GALNT7: variants seen among roughly 807,000 people sequenced by gnomAD.
GALNT7 encodes N-acetylgalactosaminyltransferase 7.
GALNT7 carries 60 observed loss-of-function variants against 82.1 expected under a neutral mutation model. The ratio of observed to expected loss-of-function variants is 0.73; its 90% CI spans 0.59 to 0.91. The LOEUF (loss-of-function observed/expected upper bound fraction) is 0.91, where lower values mean the gene tolerates loss of function less well. GALNT7 is among the 40% of genes least tolerant of loss of function. GALNT7 has a pLI of 0.00. For synonymous variants in GALNT7, 243 were observed against 275.1 expected (o/e 0.88, Z 1.15); for missense variants, 660 against 804.2 (o/e 0.82, Z 2.17).
intron 1 of GALNT7, among the ~76,000 whole-genome samples, chr4:173,242,020 T>G (rs1363173952): frequency 2.0e-5 from 3 of 152,192 alleles, no homozygotes; most frequent in African/African-American, 4.8e-5. Flanking sequence ...TTTCAATCTG[T>G]AAAGTAACTT....
chr4:173,176,312 A>G (rs1469213939), intron 1 of GALNT7, among the ~76,000 whole-genome samples: 4 of 152,168 alleles, frequency 2.6e-5, no homozygotes, highest in Admixed American at 2.6e-4. Context: ...GAGGTAGTAC[A>G]GTACGGGATG....
intron 2 of GALNT7, among the ~76,000 whole-genome samples, chr4:173,250,208 G>A (rs1245722536): frequency 6.6e-6 from 1 of 152,018 alleles, no homozygotes. Context: ...CACACCTGAG[G>A]TATATATCTC....
intron 1 of GALNT7, among the ~76,000 whole-genome samples, chr4:173,216,086 C>G (rs754837063): frequency 6.6e-6 from 1 of 152,176 alleles, no homozygotes; most frequent in East Asian, 1.9e-4. Flanking sequence ...ATCACACACT[C>G]CAGCCTGGGT....
At position 173,292,075 on chromosome 4, in the gene GALNT7, G is replaced by A. The variant is rs780376205; in HGVS notation, c.588-33G>A. ...TGGAGCCAAGCAGTATAGATTACCT[G>A]TAAATAAATATGATGAAATTTTCTC... On this transcript the variant is annotated intron_variant, in intron 2 of 11. Coordinates refer to ENST00000265000, the MANE Select transcript of GALNT7 (RefSeq NM_017423.3). This position sits in a 1 kb window ranked among gnomAD's most constrained non-coding sequence, Gnocchi z 4.8. The A allele has an allele frequency of 7.3e-6, 11 of 1,503,626 alleles. No homozygotes were observed. Among genetic ancestry groups the A allele is most frequent in the East Asian group, 2.3e-5 (1 of 44,188 alleles). The allele number at this position is 1,503,626 out of a possible 1,614,324, so 93.1% of individuals were successfully genotyped here.
At chr4:173,242,316 G>T (rs993370789) in intron 1 of GALNT7, among the ~76,000 whole-genome samples, 1 of 152,156 alleles carries the variant, frequency 6.6e-6, no homozygotes, top group Non-Finnish European at 1.5e-5. Context: ...AGCTTATATA[G>T]AATTTTTATA....
intron 1 of GALNT7, among the ~76,000 whole-genome samples, chr4:173,213,197 ATTTCTCG>A (rs1436350732): frequency 6.7e-6 from 1 of 149,998 alleles, no homozygotes; most frequent in Non-Finnish European, 1.5e-5. Context: ...AAAAAATGTG[ATTTCTCG>A]TTTTACATTC....
chr4:173,311,453 T>C (rs149174011), intron 8 of GALNT7, among the ~76,000 whole-genome samples: 10 of 152,358 alleles, frequency 6.6e-5, no homozygotes, highest in African/African-American at 2.4e-4. Flanking sequence ...CTGCAGGCTG[T>C]ACAGGAAGCT....
chr4:173,225,031 A>G (rs1733780050), intron 1 of GALNT7, among the ~76,000 whole-genome samples: 1 of 147,638 alleles, frequency 6.8e-6, no homozygotes, highest in African/African-American at 2.5e-5. Flanking sequence ...TAATAATAAT[A>G]ATAATAATAA....
chr4:173,220,239 G>A (rs1421266355), intron 1 of GALNT7, among the ~76,000 whole-genome samples: 2 of 152,128 alleles, frequency 1.3e-5, no homozygotes, highest in African/African-American at 4.8e-5. Flanking sequence ...ACCATTTGTT[G>A]AATACAGTGT....
Position 173,321,915 on chromosome 4 carries a change from G to T in GALNT7, c.*198G>T. On this transcript the variant is annotated 3_prime_UTR_variant, in exon 12 of 12. Coordinates refer to ENST00000265000, the MANE Select transcript of GALNT7 (RefSeq NM_017423.3). Reference sequence around the variant, plus strand: ...ATCTGCAGTTACTGTTTACAAGACTGCTTTTACCTTAAACTTTGTAGATGT... The same window carrying T: ...ATCTGCAGTTACTGTTTACAAGACTTCTTTTACCTTAAACTTTGTAGATGT... The T allele has an allele frequency of 2.1e-6, 1 of 469,378 alleles. No individual in the cohort carries two copies. Among genetic ancestry groups the T allele is most frequent in the Non-Finnish European group, 3.9e-6 (1 of 258,996 alleles). The allele number at this position is 469,378 out of a possible 1,614,324, so 29.1% of individuals were successfully genotyped here.
intron 2 of GALNT7, among the ~76,000 whole-genome samples, chr4:173,249,185 G>A (rs1399672579): frequency 6.6e-6 from 1 of 152,100 alleles, no homozygotes; most frequent in East Asian, 1.9e-4. Context: ...TAATGTAGTT[G>A]GAAATTTAAT....
chr4:173,170,063 G>A (rs1731805662), intron 1 of GALNT7, among the ~76,000 whole-genome samples: 1 of 152,130 alleles, frequency 6.6e-6, no homozygotes. Context: ...AAGGGACCGC[G>A]GGCACTGCGG....
chr4:173,248,786 T>C (rs1276141380), intron 2 of GALNT7, among the ~76,000 whole-genome samples: 1 of 152,214 alleles, frequency 6.6e-6, no homozygotes, highest in Non-Finnish European at 1.5e-5. Flanking sequence ...TTTTGTTTAG[T>C]TTAAGTGACA....
Position 173,323,724 on chromosome 4 carries a change from T to C in GALNT7, c.*2007T>C, listed in dbSNP as rs914682044. 3.3e-5 allele frequency: 5 copies of C among 152,632 alleles called. No homozygotes were observed. Among genetic ancestry groups the C allele is most frequent in the Non-Finnish European group, 5.9e-5 (4 of 68,008 alleles). The allele number at this position is 152,632 out of a possible 1,614,324, so 9.5% of individuals were successfully genotyped here. A position where few individuals can be genotyped will look rare whatever the true frequency, so the allele number is the denominator to read the frequency against. On this transcript the variant is annotated 3_prime_UTR_variant, in exon 12 of 12. Coordinates refer to ENST00000265000, the MANE Select transcript of GALNT7 (RefSeq NM_017423.3). Reference sequence around the variant, plus strand: ...AGAAGCTGCTGCCATAATGACTATTTTCTACTGTAGGCTGCTTTGGAAATA... The same window carrying C: ...AGAAGCTGCTGCCATAATGACTATTCTCTACTGTAGGCTGCTTTGGAAATA...
At chr4:173,190,695 C>T (rs557485444) in intron 1 of GALNT7, among the ~76,000 whole-genome samples, 1 of 152,126 alleles carries the variant, frequency 6.6e-6, no homozygotes, top group East Asian at 1.9e-4. Context: ...TCATTATTAC[C>T]AAGCAGTGCT....
chr4:173,211,845 A>G (rs1733294382), intron 1 of GALNT7, among the ~76,000 whole-genome samples: 1 of 152,248 alleles, frequency 6.6e-6, no homozygotes, highest in Admixed American at 6.5e-5. Context: ...ACCAAGGGCT[A>G]TTATAATTAT....
intron 1 of GALNT7, among the ~76,000 whole-genome samples, chr4:173,182,145 C>T (rs1313749075): frequency 6.6e-6 from 1 of 152,162 alleles, no homozygotes; most frequent in Non-Finnish European, 1.5e-5. Flanking sequence ...TTCTTATTTG[C>T]AACTACTTCT....
chr4:173,289,557 G>A (rs536515845), intron 2 of GALNT7, among the ~76,000 whole-genome samples: 1 of 152,340 alleles, frequency 6.6e-6, no homozygotes, highest in African/African-American at 2.4e-5. Context: ...AGCTGTCTGT[G>A]CAATTCCCCT....
At chr4:173,247,935 G>T (rs765076760) in intron 1 of GALNT7, 45 bp from the exon 2 acceptor site, 17 of 1,287,880 alleles carry the variant, frequency 1.3e-5, no homozygotes, top group Non-Finnish European at 1.5e-5. Flanking sequence ...TACTGTGGTG[G>T]TTTGCCTTCA....
Sources: allele counts gnomAD v4.1 joint callset (sites outside exome capture counted in the v4.1 genomes callset), GRCh38; gene constraint gnomAD v4.1.1; non-coding constraint Gnocchi (gnomAD v3.1); transcripts MANE v1.5; gene names NCBI Gene and HGNC (gene_info 2026-07-23, HGNC 2026-07-21).